The following LIMS1 variants were observed in gnomAD, a reference collection of about 807,000 sequenced individuals.
The protein encoded by LIMS1 is LIM zinc finger domain containing 1.
In LIMS1, 18 loss-of-function variants were observed where a neutral mutation model predicts 44.1. The observed-to-expected ratio is 0.41, with a 90% CI of 0.28 to 0.61. LIMS1 has a LOEUF of 0.61. Ranked by LOEUF, LIMS1 falls within the 20% of genes least tolerant of loss-of-function variation. The pLI is 0.32. For missense variants in LIMS1, 201 were observed against 422.0 expected (o/e 0.48, Z 4.59); for synonymous variants, 93 against 149.1 (o/e 0.62, Z 2.74).
At position 108,542,112 on chromosome 2, in the gene LIMS1, T is replaced by A. The variant is rs138344247; in HGVS notation, c.32+7518T>A. On this transcript the variant is annotated intron_variant, in intron 1 of 9. Coordinates refer to ENST00000544547, the Ensembl canonical transcript of LIMS1. ...AGTTCAGGGCTAGCTCTGTTTAGTG[T>A]CTTTGACGTTGTTTGAATAAATTCA... 3.1e-3 allele frequency among the ~76,000 whole-genome samples: 465 copies of A among 152,344 alleles called. 3 individuals are homozygous for A. The highest frequency in any genetic ancestry group is 4.5e-3 in the Non-Finnish European group (308 of 68,026).
intron 1 of LIMS1, among the ~76,000 whole-genome samples, chr2:108,626,178 C>G (rs1157867808): frequency 1.3e-5 from 2 of 152,174 alleles, no homozygotes; most frequent in East Asian, 3.8e-4. Context: ...TTGCTGATCA[C>G]TTTTTGGCCC....
chr2:108,541,633 T>C (rs1463957389), intron 1 of LIMS1, among the ~76,000 whole-genome samples: 1 of 152,242 alleles, frequency 6.6e-6, no homozygotes, highest in Non-Finnish European at 1.5e-5. Context: ...CAACCCATCT[T>C]CATAGCCTTG....
intron 1 of LIMS1, among the ~76,000 whole-genome samples, chr2:108,616,563 CA>C (rs1187161471): frequency 2.6e-5 from 4 of 152,126 alleles, no homozygotes; most frequent in African/African-American, 9.7e-5. Context: ...GTCAGAGGTC[CA>C]GGAAGCCTGA....
intron 2 of LIMS1, among the ~76,000 whole-genome samples, chr2:108,667,340 C>T (rs1278748123): frequency 6.6e-6 from 1 of 152,074 alleles, no homozygotes; most frequent in Non-Finnish European, 1.5e-5. Flanking sequence ...CGCTTTTTGA[C>T]TCTTGGGAGG....
chr2:108,659,860 A>T, intron 2 of LIMS1, 96 bp downstream of exon 2: 1 of 1,605,102 alleles, frequency 6.2e-7, no homozygotes. Context: ...GTTCAGTTTC[A>T]TGATGAAAGA....
At chr2:108,607,458 C>T (rs1262436273) in intron 1 of LIMS1, among the ~76,000 whole-genome samples, 1 of 152,096 alleles carries the variant, frequency 6.6e-6, no homozygotes, top group Non-Finnish European at 1.5e-5. Context: ...TTCTCTCTAA[C>T]CTGGATATAA....
At chr2:108,662,091 G>A (rs139776231) in intron 2 of LIMS1, 21,683 of 1,534,162 alleles carry the variant, frequency 0.014, 229 homozygotes, top group African/African-American at 0.047. Flanking sequence ...GGGAGCAATA[G>A]AGAAGAACTC....
intron 1 of LIMS1, among the ~76,000 whole-genome samples, chr2:108,632,662 G>A (rs748818281): frequency 6.6e-6 from 1 of 152,202 alleles, no homozygotes; most frequent in Admixed American, 6.5e-5. Flanking sequence ...CTTTGAAAAT[G>A]TAAGAGGGAA....
At chr2:108,562,383 C>T (rs991836488) in intron 1 of LIMS1, among the ~76,000 whole-genome samples, 1 of 152,194 alleles carries the variant, frequency 6.6e-6, no homozygotes, top group Non-Finnish European at 1.5e-5. Flanking sequence ...AAGCCTCTTG[C>T]ACCAGTTAGC....
intron 1 of LIMS1, among the ~76,000 whole-genome samples, chr2:108,627,611 A>C (rs1688655936): frequency 6.6e-6 from 1 of 152,136 alleles, no homozygotes; most frequent in African/African-American, 2.4e-5. Flanking sequence ...TCAGGTATAA[A>C]TTACTTATAA....
At chr2:108,681,249 A>G in intron 9 of LIMS1, 1 of 1,244,414 alleles carries the variant, frequency 8.0e-7, no homozygotes, top group Non-Finnish European at 1.0e-6. Flanking sequence ...TGTAGTCATC[A>G]GAGATTGAAA....
intron 1 of LIMS1, among the ~76,000 whole-genome samples, chr2:108,650,594 T>G (rs560684042): frequency 6.6e-6 from 1 of 152,150 alleles, no homozygotes; most frequent in African/African-American, 2.4e-5. Flanking sequence ...TGTTTTGTGT[T>G]TTTAGTAGAG....
chr2:108,659,813 G>A lies in LIMS1; in HGVS notation c.192+49G>A, dbSNP rs374790481. Reference sequence around the variant, plus strand: ...GGGAGGTGCCATTCCCCGCCCTCCCGCTTCCTGCCCTTCTTTCCTGAGGCC... The same window carrying A: ...GGGAGGTGCCATTCCCCGCCCTCCCACTTCCTGCCCTTCTTTCCTGAGGCC... On this transcript the variant is annotated intron_variant, in intron 2 of 9. Transcript: ENST00000544547. 9.1e-4 allele frequency: 1,460 copies of A among 1,611,940 alleles called. 2 individuals are homozygous for A. The highest frequency in any genetic ancestry group is 1.0e-3 in the Non-Finnish European group (1,187 of 1,179,810).
intron 1 of LIMS1, among the ~76,000 whole-genome samples, chr2:108,608,821 C>T (rs986847794): frequency 3.3e-5 from 5 of 152,052 alleles, no homozygotes; most frequent in East Asian, 3.8e-4. Context: ...TTTCTACTTC[C>T]GAGAAATAGG....
At chr2:108,668,524 G>T (rs906540662) in intron 2 of LIMS1, among the ~76,000 whole-genome samples, 1 of 152,086 alleles carries the variant, frequency 6.6e-6, no homozygotes, top group Non-Finnish European at 1.5e-5. Flanking sequence ...CATCCATGTC[G>T]CCACAGATGA....
At chr2:108,613,494 C>T (rs1687770350) in intron 1 of LIMS1, among the ~76,000 whole-genome samples, 1 of 151,972 alleles carries the variant, frequency 6.6e-6, no homozygotes, top group Non-Finnish European at 1.5e-5. Flanking sequence ...TGCCCTTCTG[C>T]CCTCCCTCCC....
chr2:108,609,908 C>T (rs572243077), intron 1 of LIMS1, among the ~76,000 whole-genome samples: 28 of 152,046 alleles, frequency 1.8e-4, no homozygotes, highest in Admixed American at 1.7e-3. Flanking sequence ...TTTGGGAGGC[C>T]GAGGTGGGCG....
chr2:108,604,131 A>G (rs1199161013), intron 1 of LIMS1, among the ~76,000 whole-genome samples: 1 of 152,164 alleles, frequency 6.6e-6, no homozygotes, highest in Non-Finnish European at 1.5e-5. Context: ...ATGTATTTAT[A>G]TAGTTTCCAA....
intron 2 of LIMS1, chr2:108,660,270 T>G (rs1691261850): frequency 2.1e-6 from 1 of 468,250 alleles, no homozygotes; most frequent in Admixed American, 2.4e-5. Flanking sequence ...AAAAAATAAG[T>G]ATTTTAGGGA....
Sources: gnomAD v4.1 joint callset for allele counts (sites outside exome capture counted in the v4.1 genomes callset) on GRCh38, gnomAD v4.1.1 for gene constraint, MANE v1.5 for transcripts, NCBI Gene and HGNC (gene_info 2026-07-23, HGNC 2026-07-21) for gene names.